CSMD1: variants seen among roughly 807,000 people sequenced by gnomAD.
CSMD1 encodes the protein CUB and Sushi multiple domains 1.
In CSMD1, 213 loss-of-function variants were observed where a neutral mutation model predicts 417.5. The ratio of observed to expected loss-of-function variants is 0.51; its 90% CI spans 0.46 to 0.57. The LOEUF is 0.57. Ranked by LOEUF, CSMD1 falls within the 20% of genes least tolerant of loss-of-function variation. The pLI is 0.00. For synonymous variants in CSMD1, 2,862 were observed against 1,736.8 expected (o/e 1.65, Z -16.11); for missense variants, 6,923 against 4,529.7 (o/e 1.53, Z -15.17).
chr8:3,541,364 T>G (rs1009387654), intron 10 of CSMD1, among the ~76,000 whole-genome samples: 12 of 151,996 alleles, frequency 7.9e-5, no homozygotes, highest in African/African-American at 2.9e-4. Context: ...CAACATGCAC[T>G]GGGGCCTGTT....
At chr8:4,204,999 C>A (rs548790889) in intron 3 of CSMD1, among the ~76,000 whole-genome samples, 1 of 152,058 alleles carries the variant, frequency 6.6e-6, no homozygotes, top group South Asian at 2.1e-4. Context: ...AATAATTTAC[C>A]TCCAATTTTC....
In CSMD1 at chr8:3,157,906, G is replaced by A. The variant is rs985446576; in HGVS notation, c.5905C>T (p.Leu1969=). ...GAAGGTGCATCCTTACCAATGCACA[G>A]GGGAGACGGATAGTTCCAACGGCGA... is the stretch of plus-strand genomic sequence containing the variant. ...TVRRWNYPSP[L]CIATCGGTLS... Residue 1969 remains leucine, a synonymous_variant, in exon 39 of 70, where the codon CTG becomes TTG. Transcript: ENST00000635120. 2.6e-6 allele frequency: 4 copies of A among 1,553,728 alleles called. No individual in the cohort carries two copies. The African/African-American group carries it at 5.5e-5, about 21-fold the overall frequency.
chr8:3,987,060 G>A (rs564443966), intron 5 of CSMD1, among the ~76,000 whole-genome samples: 147 of 152,274 alleles, frequency 9.7e-4, no homozygotes, highest in Non-Finnish European at 1.7e-3. Context: ...CATCCAAAAT[G>A]TTAAAGTGAT....
intron 3 of CSMD1, among the ~76,000 whole-genome samples, chr8:4,185,605 T>G (rs1049044542): frequency 6.6e-6 from 1 of 152,172 alleles, no homozygotes; most frequent in Non-Finnish European, 1.5e-5. Flanking sequence ...ATGTGCTGAT[T>G]TATGAAATTG....
At chr8:3,901,371 G>A (rs949143165) in intron 5 of CSMD1, among the ~76,000 whole-genome samples, 1 of 152,166 alleles carries the variant, frequency 6.6e-6, no homozygotes, top group East Asian at 1.9e-4. Flanking sequence ...TTGATTGGAA[G>A]TGAAGATGGG....
chr8:3,993,491 T>C (rs1391888683), intron 5 of CSMD1, among the ~76,000 whole-genome samples: 2 of 152,206 alleles, frequency 1.3e-5, no homozygotes, highest in East Asian at 1.9e-4. Flanking sequence ...CTCTGAAGTT[T>C]TGTTTTAACT....
At position 4,027,695 on chromosome 8, in the gene CSMD1, C is replaced by G. The variant is rs190947493; in HGVS notation, c.610+4210G>C. On this transcript the variant is annotated intron_variant, in intron 4 of 69. Coordinates refer to ENST00000635120, the MANE Select transcript of CSMD1 (RefSeq NM_033225.6). ...GATAACGGACTAATACAGATGACAA[C>G]TGACATTTTAGACATGGGGGCCCAT... Among the ~76,000 whole-genome samples, 5 of 152,116 alleles carry G rather than the reference C, an allele frequency of 3.3e-5. 1 individual carries two copies. Among genetic ancestry groups the G allele is most frequent in the Admixed American group, 2.6e-4 (4 of 15,262 alleles).
At chr8:3,923,356 C>T (rs1018855689) in intron 5 of CSMD1, among the ~76,000 whole-genome samples, 2 of 151,960 alleles carry the variant, frequency 1.3e-5, no homozygotes, top group African/African-American at 2.4e-5. Context: ...ATATTTTTTT[C>T]GCTTGTCCCC....
intron 3 of CSMD1, among the ~76,000 whole-genome samples, chr8:4,047,990 A>G (rs1159111839): frequency 6.6e-6 from 1 of 152,090 alleles, no homozygotes; most frequent in East Asian, 1.9e-4. Context: ...TCATCCTGAG[A>G]GCTTTAAGTC....
chr8:2,956,892 T>A (rs1803050956), intron 63 of CSMD1, among the ~76,000 whole-genome samples: 2 of 152,300 alleles, frequency 1.3e-5, no homozygotes, highest in African/African-American at 2.4e-5. Flanking sequence ...TGTGTATGTA[T>A]ATACATATAT....
intron 2 of CSMD1, among the ~76,000 whole-genome samples, chr8:4,464,755 G>T (rs1277427412): frequency 3.9e-5 from 6 of 152,108 alleles, no homozygotes; most frequent in South Asian, 2.1e-4. Flanking sequence ...TTGCTTTAAG[G>T]CGAGTCCTGC....
chr8:4,274,999 G>C (rs943039206), intron 3 of CSMD1, among the ~76,000 whole-genome samples: 2 of 152,098 alleles, frequency 1.3e-5, no homozygotes, highest in Non-Finnish European at 2.9e-5. Flanking sequence ...AGAATGACAG[G>C]TATAAATAGT....
intron 1 of CSMD1, among the ~76,000 whole-genome samples, chr8:4,905,540 TCAGA>T (rs773766783): frequency 1.1e-3 from 167 of 151,954 alleles, no homozygotes; most frequent in Middle Eastern, 3.4e-3. Context: ...AAGAAATCGG[TCAGA>T]CACAGTGGCT....
intron 19 of CSMD1, 118 bp downstream of exon 19, chr8:3,369,136 C>A (rs1006903717): frequency 5.4e-6 from 3 of 559,946 alleles, no homozygotes; most frequent in African/African-American, 3.8e-5. Flanking sequence ...AAATCTTGAA[C>A]TATACATGAG....
intron 25 of CSMD1, among the ~76,000 whole-genome samples, chr8:3,303,330 G>C (rs939618545): frequency 6.6e-6 from 1 of 152,112 alleles, no homozygotes. Context: ...TAGATCTCCA[G>C]TGCAATTTCA....
At chr8:3,058,735 G>A (rs539721574) in intron 49 of CSMD1, among the ~76,000 whole-genome samples, 4 of 151,912 alleles carry the variant, frequency 2.6e-5, no homozygotes, top group Admixed American at 1.3e-4. Context: ...GCGTGGTCTC[G>A]GAGGAGCAAG....
At chr8:4,652,752 C>T (rs926146987) in intron 1 of CSMD1, among the ~76,000 whole-genome samples, 1 of 152,062 alleles carries the variant, frequency 6.6e-6, no homozygotes, top group Non-Finnish European at 1.5e-5. Context: ...CTTTTTGGCA[C>T]CAGGGCGGTT....
chr8:4,034,136 G>C (rs1462782329), intron 3 of CSMD1, among the ~76,000 whole-genome samples: 5 of 152,102 alleles, frequency 3.3e-5, no homozygotes, highest in Non-Finnish European at 5.9e-5. Context: ...TGTTTTATTA[G>C]TTTTTAAACT....
At chr8:3,032,629 C>T (rs968769754) in intron 50 of CSMD1, among the ~76,000 whole-genome samples, 3 of 151,996 alleles carry the variant, frequency 2.0e-5, no homozygotes, top group African/African-American at 7.2e-5. Flanking sequence ...GATTCACATG[C>T]CTGTACGTGG....
Sources: allele counts gnomAD v4.1 joint callset (sites outside exome capture counted in the v4.1 genomes callset), GRCh38; gene constraint gnomAD v4.1.1; transcripts MANE v1.5; gene names NCBI Gene and HGNC (gene_info 2026-07-23, HGNC 2026-07-21).